SNX6: variants seen among roughly 807,000 people sequenced by gnomAD.
The protein encoded by SNX6 is sorting nexin-6.
A neutral mutation model predicts 63.0 loss-of-function variants in SNX6; 34 were observed. That is an observed-to-expected ratio of 0.54 (90% confidence interval 0.41 to 0.72). SNX6 has a LOEUF of 0.72. Ranked by LOEUF, SNX6 falls within the 30% of genes least tolerant of loss-of-function variation. The probability of loss-of-function intolerance (pLI) is 0.00; values close to 1 mark genes in which losing one functional copy is unlikely to be tolerated. For missense variants in SNX6, 398 were observed against 471.4 expected, an observed-to-expected ratio of 0.84 and a Z score of 1.44; for synonymous variants, 170 against 164.2, an observed-to-expected ratio of 1.04 and a Z score of -0.27.
chr14:34,607,919 A>G (rs1883082818), intron 4 of SNX6, 111 bp downstream of exon 4: 1 of 555,798 alleles, frequency 1.8e-6, no homozygotes, highest in Non-Finnish European at 3.1e-6. Context: ...AAAACAAAAC[A>G]AAACAAAACA....
In SNX6 at chr14:34,568,008, G is replaced by A; in HGVS notation, c.927C>T (p.Leu309=). ...CTAGTGACCTAGACCTTCGATACAG[G>A]AGATCCTATAAAACAGAATGCTTCA... The part of the protein sequence containing the change: ...YLRESQAAKD[L]LYRRSRSLVD... The change falls in exon 12 of 14, where the codon CTC becomes CTT. Residue 309 remains leucine, a synonymous_variant. Coordinates refer to ENST00000362031, the MANE Select transcript of SNX6 (RefSeq NM_152233.4). 6.2e-7 allele frequency: 1 copy of A among 1,610,726 alleles called. No individual in the cohort carries two copies. The highest frequency in any genetic ancestry group is 1.7e-5 in the Admixed American group (1 of 59,656).
intron 2 of SNX6, among the ~76,000 whole-genome samples, chr14:34,626,562 G>C (rs1270595451): frequency 6.6e-6 from 1 of 151,492 alleles, no homozygotes; most frequent in East Asian, 1.9e-4. Context: ...TACTCAGGAG[G>C]CTAAGGCAGG....
At chr14:34,610,607 CAAT>C (rs1368737416) in intron 2 of SNX6, among the ~76,000 whole-genome samples, 5 of 152,140 alleles carry the variant, frequency 3.3e-5, no homozygotes, top group Admixed American at 1.3e-4. Flanking sequence ...AGTAAGTACT[CAAT>C]AAGTAACTCC....
chr14:34,624,973 T>C (rs1883770951), intron 2 of SNX6, among the ~76,000 whole-genome samples: 1 of 152,056 alleles, frequency 6.6e-6, no homozygotes, highest in African/African-American at 2.4e-5. Context: ...TGGAGTGCAA[T>C]GGCACGCTCT....
rs772373075 is a variant in SNX6, at chr14:34,608,139, C to T, written c.161G>A (p.Ser54Asn). ...DKVKFTVHTK[S>N]SLPNFKQNEF... ...GTTTTGTTTAAAATTTGGCAATGAA[C>T]TCTGTAAAGATAGAGATTTTCTTGA... Residue 54 changes from serine to asparagine, a missense_variant and splice_region_variant, in exon 4 of 14, where the codon AGT (serine) becomes AAT (asparagine). Transcript: ENST00000362031. The T allele has an allele frequency of 9.0e-6, 14 of 1,556,982 alleles. No individual in the cohort carries two copies. Among genetic ancestry groups the T allele is most frequent in the Non-Finnish European group, 1.1e-5 (13 of 1,137,104 alleles).
intron 2 of SNX6, among the ~76,000 whole-genome samples, chr14:34,629,138 C>CA (rs148705306): frequency 0.36 from 52,506 of 147,798 alleles, 10,324 homozygotes; most frequent in East Asian, 0.54. Context: ...AATGTTCTCA[C>CA]ACAAAAAAAA....
intron 13 of SNX6, among the ~76,000 whole-genome samples, chr14:34,566,438 C>A (rs1441695177): frequency 1.3e-5 from 2 of 152,044 alleles, no homozygotes; most frequent in Non-Finnish European, 2.9e-5. Context: ...GTCTTGAACA[C>A]CTGACCTCAG....
At chr14:34,614,509 A>G (rs745309360) in intron 2 of SNX6, among the ~76,000 whole-genome samples, 1 of 152,164 alleles carries the variant, frequency 6.6e-6, no homozygotes, top group Non-Finnish European at 1.5e-5. Flanking sequence ...ACGTCAGGCA[A>G]AGGCCCTTAA....
chr14:34,599,471 G>A (rs188459583), intron 6 of SNX6, among the ~76,000 whole-genome samples: 4 of 152,064 alleles, frequency 2.6e-5, no homozygotes, highest in African/African-American at 4.8e-5. Context: ...GCTGGGCGTC[G>A]TGGCATCCGC....
intron 2 of SNX6, among the ~76,000 whole-genome samples, chr14:34,611,059 C>T (rs888826060): frequency 3.3e-5 from 5 of 152,134 alleles, no homozygotes; most frequent in Admixed American, 2.6e-4. Flanking sequence ...GAGTGCAGTG[C>T]TCTGTTCACT....
chr14:34,610,943 CAA>C (rs1331347291), intron 2 of SNX6, among the ~76,000 whole-genome samples: 1 of 152,058 alleles, frequency 6.6e-6, no homozygotes, highest in African/African-American at 2.4e-5. Context: ...AATGCAAATA[CAA>C]AATTGTTTAC....
intron 2 of SNX6, among the ~76,000 whole-genome samples, chr14:34,615,414 G>T (rs1883381636): frequency 6.6e-6 from 1 of 152,126 alleles, no homozygotes; most frequent in South Asian, 2.1e-4. Flanking sequence ...AAGAGATAGG[G>T]TCTCCCTATG....
intron 2 of SNX6, among the ~76,000 whole-genome samples, chr14:34,621,359 T>C (rs1883615016): frequency 6.6e-6 from 1 of 152,208 alleles, no homozygotes; most frequent in Admixed American, 6.6e-5. Flanking sequence ...CTAGCTAATA[T>C]TGGAAATATC....
intron 11 of SNX6, among the ~76,000 whole-genome samples, chr14:34,572,672 T>G (rs1594696877): frequency 6.9e-6 from 1 of 144,050 alleles, no homozygotes; most frequent in Non-Finnish European, 1.6e-5. Flanking sequence ...GTTATTTGTG[T>G]TTTTTTTGTT....
intron 6 of SNX6, among the ~76,000 whole-genome samples, chr14:34,603,140 T>C (rs1594733723): frequency 1.3e-5 from 2 of 150,790 alleles, no homozygotes; most frequent in South Asian, 2.1e-4. Context: ...TAGCTGGGCG[T>C]GGTGGCAGGC....
rs745343835 is a variant in SNX6, at chr14:34,597,564, C to T, written c.598G>A (p.Val200Ile). ...NMVKSADGVIVSGVKDVDDFF... is the reference protein window; with the variant it reads ...NMVKSADGVIISGVKDVDDFF... ...TAAAATCTTACCTTTACTCCTGAAA[C>T]GATTACTCCATCTGCTGATTTAACC... The change falls in exon 7 of 14, where the codon GTT (valine) becomes ATT (isoleucine). Residue 200 changes from valine to isoleucine, a missense_variant. Val to Ile is a conservative substitution (Grantham distance 29, BLOSUM62 3). Coordinates refer to ENST00000362031, the MANE Select transcript of SNX6 (RefSeq NM_152233.4). 16 of 1,595,846 alleles carry T rather than the reference C, an allele frequency of 1.0e-5. No individual in the cohort carries two copies. The highest frequency in any genetic ancestry group is 6.7e-5 in the South Asian group (6 of 89,044).
At chr14:34,629,721 A>T (rs1010056202) in intron 2 of SNX6, 186 bp downstream of exon 2, 4 of 981,974 alleles carry the variant, frequency 4.1e-6, no homozygotes, top group Non-Finnish European at 6.1e-6. Context: ...CGGGAATCGG[A>T]GCCGAGCGGC....
At chr14:34,599,936 C>A (rs781130113) in intron 6 of SNX6, among the ~76,000 whole-genome samples, 1 of 152,032 alleles carries the variant, frequency 6.6e-6, no homozygotes, top group Non-Finnish European at 1.5e-5. Flanking sequence ...TTCTTCATAG[C>A]TCAAATTCTA....
chr14:34,581,311 G>A (rs1295122672), intron 10 of SNX6, among the ~76,000 whole-genome samples: 3 of 152,082 alleles, frequency 2.0e-5, no homozygotes, highest in Non-Finnish European at 2.9e-5. Flanking sequence ...GCGTCACCAC[G>A]CCCAACTAAT....
Sources: allele counts gnomAD v4.1 joint callset (sites outside exome capture counted in the v4.1 genomes callset), GRCh38; gene constraint gnomAD v4.1.1; transcripts MANE v1.5; gene names NCBI Gene and HGNC (gene_info 2026-07-23, HGNC 2026-07-21).